The following RBM33 variants were observed in gnomAD, a reference collection of about 807,000 sequenced individuals.
RBM33 encodes the protein RNA binding motif protein 33.
In RBM33, 28 loss-of-function variants were observed where a neutral mutation model predicts 132.6. The observed-to-expected ratio is 0.21, with a 90% CI of 0.16 to 0.29. RBM33 has a LOEUF of 0.29. Among genes scored for constraint, RBM33 ranks in the 10% least tolerant of loss-of-function variants. The pLI is 1.00. For missense variants in RBM33, 1,291 were observed against 1,518.5 expected (o/e 0.85, Z 2.49); for synonymous variants, 634 against 593.0 (o/e 1.07, Z -1.01).
At position 155,774,736 on chromosome 7, in the gene RBM33, G is replaced by A. The variant is rs1022283459; in HGVS notation, c.3464+89G>A. Reference sequence around the variant, plus strand: ...CCTCCCATCCATCATGGTAGCAAGCGTGTGTCCCCACCTGTTCCTGTAGAA... The same window carrying A: ...CCTCCCATCCATCATGGTAGCAAGCATGTGTCCCCACCTGTTCCTGTAGAA... On this transcript the variant is annotated intron_variant, in intron 17 of 17. Coordinates refer to ENST00000401878, the MANE Select transcript of RBM33 (RefSeq NM_053043.3). The surrounding 1 kb of genome is among the most constrained non-coding windows in gnomAD (Gnocchi z 4.2). 1.9e-5 allele frequency: 21 copies of A among 1,092,050 alleles called. No individual in the cohort carries two copies. The highest frequency in any genetic ancestry group is 7.7e-5 in the African/African-American group (5 of 64,744). 67.6% of individuals were successfully genotyped at this position (1,092,050 alleles called of 1,614,324 possible). A position where few individuals can be genotyped will look rare whatever the true frequency, so the allele number is the denominator to read the frequency against.
At chr7:155,701,884 C>T (rs1380859661) in intron 6 of RBM33, among the ~76,000 whole-genome samples, 1 of 152,146 alleles carries the variant, frequency 6.6e-6, no homozygotes, top group Non-Finnish European at 1.5e-5. Flanking sequence ...GACGGGGTTT[C>T]ACCATATTGT....
intron 8 of RBM33, among the ~76,000 whole-genome samples, chr7:155,712,674 C>T (rs528181360): frequency 2.0e-5 from 3 of 152,274 alleles, no homozygotes; most frequent in Non-Finnish European, 2.9e-5. Context: ...GAGTGATCAG[C>T]AAGTATAAGG....
At chr7:155,682,397 G>A (rs547047323) in intron 5 of RBM33, among the ~76,000 whole-genome samples, 6 of 152,238 alleles carry the variant, frequency 3.9e-5, no homozygotes, top group Non-Finnish European at 8.8e-5. Flanking sequence ...ATGTAGGCAC[G>A]TGCCTTCTGC....
At chr7:155,697,315 A>G (rs1799822128) in intron 5 of RBM33, among the ~76,000 whole-genome samples, 1 of 152,014 alleles carries the variant, frequency 6.6e-6, no homozygotes, top group Non-Finnish European at 1.5e-5. Flanking sequence ...TCCTTTTTAT[A>G]TTTGGTGAGA....
At chr7:155,700,634 G>T (rs1427813309) in intron 5 of RBM33, 139 bp from the exon 6 acceptor site, 6 of 402,732 alleles carry the variant, frequency 1.5e-5, no homozygotes, top group East Asian at 5.2e-5. Context: ...AGGGTTTCAT[G>T]TGGCCTTTTA....
intron 8 of RBM33, among the ~76,000 whole-genome samples, chr7:155,714,604 A>G (rs1270362944): frequency 6.6e-6 from 1 of 152,200 alleles, no homozygotes; most frequent in Non-Finnish European, 1.5e-5. Flanking sequence ...AGTTAGATCA[A>G]GAAGGAGCCC....
chr7:155,718,465 T>C lies in RBM33; in HGVS notation c.1260+22T>C, dbSNP rs375056632. ...CCCAGTGAGTAGCAGCTGCTCCTTC[T>C]CCTTTGATAGGGATGAGCATACATT... is the stretch of plus-strand genomic sequence containing the variant. On this transcript the variant is annotated intron_variant, in intron 9 of 17. Transcript: ENST00000401878. The C allele has an allele frequency of 1.6e-5, 25 of 1,600,544 alleles. No homozygotes were observed. The African/African-American group carries it at 2.9e-4, about 19-fold the overall frequency.
At chr7:155,679,255 G>A (rs1223967098) in intron 4 of RBM33, among the ~76,000 whole-genome samples, 1 of 152,180 alleles carries the variant, frequency 6.6e-6, no homozygotes, top group Non-Finnish European at 1.5e-5. Context: ...AGGTTATGAA[G>A]ATTTAGTATG....
At chr7:155,766,390 G>A in intron 15 of RBM33, 77 bp from the exon 16 acceptor site, 1 of 1,454,548 alleles carries the variant, frequency 6.9e-7, no homozygotes, top group Non-Finnish European at 9.3e-7. Flanking sequence ...TAAGTTATTT[G>A]TTCACTTTTA....
chr7:155,737,691 A>C, intron 10 of RBM33, 29 bp downstream of exon 10: 1 of 1,535,528 alleles, frequency 6.5e-7, no homozygotes, highest in Non-Finnish European at 8.7e-7. Flanking sequence ...GTGTGGAGTA[A>C]CAACAGAAGC....
At chr7:155,680,504 T>A (rs1003590730) in intron 4 of RBM33, 86 bp from the exon 5 acceptor site, 2 of 975,532 alleles carry the variant, frequency 2.1e-6, no homozygotes, top group Non-Finnish European at 3.0e-6. Flanking sequence ...ATGGTTTAAA[T>A]CTTTGTAACA....
chr7:155,726,716 GAA>G (rs1307233594), intron 9 of RBM33, among the ~76,000 whole-genome samples: 1 of 152,174 alleles, frequency 6.6e-6, no homozygotes, highest in Non-Finnish European at 1.5e-5. Flanking sequence ...AGTTAATAAA[GAA>G]ATGATCACAT....
At chr7:155,755,352 A>T (rs1801816144) in intron 14 of RBM33, among the ~76,000 whole-genome samples, 1 of 152,252 alleles carries the variant, frequency 6.6e-6, no homozygotes. Context: ...AATGTCTGTC[A>T]TGAGTACAGA....
chr7:155,741,833 G>A lies in RBM33; in HGVS notation c.2064G>A (p.Gln688=), dbSNP rs1171714482. The A allele has an allele frequency of 6.2e-7, 1 of 1,610,628 alleles. No individual in the cohort carries two copies. Among genetic ancestry groups the A allele is most frequent in the East Asian group, 2.2e-5 (1 of 44,792 alleles). ...RQGLRHNTTS[Q]NVSKRPMQQM... ...TTTGTGAAAAGAATACAACTTCTCA[G>A]AATGTAAGCAAGCGGCCCATGCAGC... is the stretch of plus-strand genomic sequence containing the variant. Residue 688 remains glutamine, a synonymous_variant, in exon 13 of 18, where the codon CAG becomes CAA. Transcript: ENST00000401878.
chr7:155,722,363 AAC>A (rs1248062363), intron 9 of RBM33, among the ~76,000 whole-genome samples: 1 of 152,206 alleles, frequency 6.6e-6, no homozygotes, highest in Non-Finnish European at 1.5e-5. Context: ...TATTTCACGA[AAC>A]ACTGTGTTGT....
At chr7:155,728,738 A>G (rs79034076) in intron 9 of RBM33, among the ~76,000 whole-genome samples, 5,671 of 152,272 alleles carry the variant, frequency 0.037, 345 homozygotes, top group African/African-American at 0.13. Flanking sequence ...ATGATAAAAC[A>G]TATGATTAGG....
Position 155,706,849 on chromosome 7 carries a change from T to C in RBM33, c.740-11T>C. On this transcript the variant is annotated splice_polypyrimidine_tract_variant and intron_variant, in intron 6 of 17. Coordinates refer to ENST00000401878, the MANE Select transcript of RBM33 (RefSeq NM_053043.3). Reference sequence around the variant, plus strand: ...GGAAAGTAACTAACACATACACATTTTTTCACATAGAGCTTTCAGCAGAGG... The same window carrying C: ...GGAAAGTAACTAACACATACACATTCTTTCACATAGAGCTTTCAGCAGAGG... The C allele has an allele frequency of 6.3e-7, 1 of 1,587,254 alleles. No individual in the cohort carries two copies. The highest frequency in any genetic ancestry group is 8.6e-7 in the Non-Finnish European group (1 of 1,166,668).
intron 9 of RBM33, among the ~76,000 whole-genome samples, chr7:155,724,145 T>A (rs767158339): frequency 2.0e-5 from 3 of 152,230 alleles, no homozygotes; most frequent in African/African-American, 4.8e-5. Flanking sequence ...GCTTTTTTTT[T>A]TCTTTTAATA....
intron 2 of RBM33, among the ~76,000 whole-genome samples, chr7:155,668,566 C>G (rs904972369): frequency 2.6e-5 from 4 of 152,140 alleles, no homozygotes; most frequent in African/African-American, 9.7e-5. Context: ...GGCTGGTGAA[C>G]TTTGCGTGGT....
Sources: allele counts gnomAD v4.1 joint callset (sites outside exome capture counted in the v4.1 genomes callset), GRCh38; gene constraint gnomAD v4.1.1; non-coding constraint Gnocchi (gnomAD v3.1); transcripts MANE v1.5; gene names NCBI Gene and HGNC (gene_info 2026-07-23, HGNC 2026-07-21).